CPNE4: variants seen among roughly 807,000 people sequenced by gnomAD.
The protein encoded by CPNE4 is copine 4, also known as copine-4.
Under a neutral mutation model 67.9 loss-of-function variants are expected in CPNE4, and 25 were observed. The ratio of observed to expected loss-of-function variants is 0.37; its 90% CI spans 0.27 to 0.51. The LOEUF (loss-of-function observed/expected upper bound fraction) is 0.51, where lower values mean the gene tolerates loss of function less well. CPNE4 is among the 20% of genes least tolerant of loss of function. CPNE4 has a pLI of 0.93. For synonymous variants in CPNE4, 242 were observed against 244.9 expected, an observed-to-expected ratio of 0.99 and a Z score of 0.11; for missense variants, 464 against 690.8, an observed-to-expected ratio of 0.67 and a Z score of 3.68.
intron 3 of CPNE4, among the ~76,000 whole-genome samples, chr3:131,714,074 G>A (rs186545115): frequency 1.8e-4 from 28 of 152,288 alleles, no homozygotes; most frequent in East Asian, 1.4e-3. Flanking sequence ...CTGCTGTAAT[G>A]TGTAAATTTG....
At chr3:131,544,803 C>CTGAT (rs1935732800) in intron 14 of CPNE4, among the ~76,000 whole-genome samples, 1 of 152,150 alleles carries the variant, frequency 6.6e-6, no homozygotes, top group Admixed American at 6.5e-5. Flanking sequence ...GAGATTACTT[C>CTGAT]TGATTCATGA....
At chr3:131,613,157 G>T (rs1333759789) in intron 7 of CPNE4, among the ~76,000 whole-genome samples, 1 of 152,182 alleles carries the variant, frequency 6.6e-6, no homozygotes, top group Non-Finnish European at 1.5e-5. Flanking sequence ...GTACATCTGA[G>T]GCTGCTAATT....
At chr3:131,877,162 A>G (rs1320428622) in intron 2 of CPNE4, among the ~76,000 whole-genome samples, 5 of 152,162 alleles carry the variant, frequency 3.3e-5, no homozygotes, top group Admixed American at 3.3e-4. Context: ...ATAAGCAGAA[A>G]TCAACTGAGC....
intron 5 of CPNE4, among the ~76,000 whole-genome samples, chr3:131,686,544 A>G (rs771769696): frequency 2.0e-5 from 3 of 152,326 alleles, no homozygotes; most frequent in African/African-American, 4.8e-5. Context: ...CCTGAATCCA[A>G]TTAGGATTAA....
At chr3:131,959,718 G>A (rs1225071) in intron 1 of CPNE4, among the ~76,000 whole-genome samples, 114,734 of 152,122 alleles carry the variant, frequency 0.75, 43,514 homozygotes, top group Admixed American at 0.83. Context: ...ATAAGGGGAC[G>A]TTGTACCAAC....
intron 3 of CPNE4, among the ~76,000 whole-genome samples, chr3:131,702,274 C>T (rs1421305538): frequency 1.3e-5 from 2 of 152,152 alleles, no homozygotes; most frequent in African/African-American, 4.8e-5. Flanking sequence ...GTTACAGATG[C>T]TTTATTCATT....
At chr3:131,605,111 C>G (rs147886749) in intron 7 of CPNE4, among the ~76,000 whole-genome samples, 1 of 152,070 alleles carries the variant, frequency 6.6e-6, no homozygotes, top group Non-Finnish European at 1.5e-5. Context: ...GATTATTAAG[C>G]TAGAAAGGGA....
chr3:131,979,637 G>A (rs184363070), intron 1 of CPNE4, among the ~76,000 whole-genome samples: 1 of 152,270 alleles, frequency 6.6e-6, no homozygotes, highest in Admixed American at 6.5e-5. Context: ...TATCCATTCT[G>A]CAGCTCTGCA....
intron 2 of CPNE4, among the ~76,000 whole-genome samples, chr3:131,879,125 T>C (rs1458224323): frequency 6.6e-6 from 1 of 150,648 alleles, no homozygotes; most frequent in African/African-American, 2.5e-5. Flanking sequence ...GGTGTGTGTG[T>C]GTGCGTGCTA....
At chr3:131,834,171 G>C (rs993395917) in intron 2 of CPNE4, among the ~76,000 whole-genome samples, 1 of 152,154 alleles carries the variant, frequency 6.6e-6, no homozygotes, top group African/African-American at 2.4e-5. Context: ...GCAGACTACA[G>C]TGAAAGCTTG....
chr3:131,964,077 C>G (rs1473598400), intron 1 of CPNE4, among the ~76,000 whole-genome samples: 2 of 152,144 alleles, frequency 1.3e-5, no homozygotes, highest in Admixed American at 1.3e-4. Context: ...GATACCCAGG[C>G]AAACAGGGTC....
At chr3:132,019,926 G>A (rs1282128166) in intron 1 of CPNE4, among the ~76,000 whole-genome samples, 1 of 152,170 alleles carries the variant, frequency 6.6e-6, no homozygotes, top group African/African-American at 2.4e-5. Context: ...TGTCTGCTGG[G>A]AAAGGCCATT....
chr3:131,739,508 G>T (rs2082311874), intron 2 of CPNE4, among the ~76,000 whole-genome samples: 1 of 152,118 alleles, frequency 6.6e-6, no homozygotes, highest in Non-Finnish European at 1.5e-5. Flanking sequence ...TCATTTCTGT[G>T]TCTGCATGTC....
intron 2 of CPNE4, among the ~76,000 whole-genome samples, chr3:131,886,860 A>G (rs966859850): frequency 4.6e-5 from 7 of 152,166 alleles, no homozygotes; most frequent in African/African-American, 1.7e-4. Flanking sequence ...CCCCCATCAT[A>G]TTTGGAATAA....
rs1412163656 is a variant in CPNE4 at position 131,978,109 on chromosome 3, A to ATTTATAT, written c.-2+56457_-2+56458insATATAAA. Among the ~76,000 whole-genome samples, 6 of 60,388 alleles carry ATTTATAT rather than the reference A, an allele frequency of 9.9e-5. No homozygotes were observed. The African/African-American group carries it at 1.6e-3, about 16-fold the overall frequency. 39.6% of individuals were successfully genotyped at this position (60,388 alleles called of 152,430 possible). The stretch of plus-strand genomic sequence containing the variant: ...TATAAATATATATATAAATATATAT[A>ATTTATAT]AAATATATATAAATATATATATTTA... On this transcript the variant is annotated intron_variant, in intron 1 of 15. Transcript: ENST00000429747.
chr3:131,798,569 G>T (rs1452197945), intron 2 of CPNE4, among the ~76,000 whole-genome samples: 1 of 152,148 alleles, frequency 6.6e-6, no homozygotes, highest in Admixed American at 6.5e-5. Flanking sequence ...ACATCATCCA[G>T]CCTAGTTTAT....
intron 1 of CPNE4, among the ~76,000 whole-genome samples, chr3:131,919,787 C>A (rs1404136874): frequency 6.6e-6 from 1 of 151,956 alleles, no homozygotes; most frequent in Non-Finnish European, 1.5e-5. Context: ...GGACCAACAC[C>A]CTTTTAGATT....
chr3:131,569,976 T>A (rs984967272), intron 10 of CPNE4, among the ~76,000 whole-genome samples: 2 of 151,774 alleles, frequency 1.3e-5, no homozygotes, highest in Admixed American at 1.3e-4. Context: ...TCTAGGTATT[T>A]TATATATATA....
chr3:131,972,762 G>T (rs899368324), intron 1 of CPNE4, among the ~76,000 whole-genome samples: 1 of 152,052 alleles, frequency 6.6e-6, no homozygotes, highest in African/African-American at 2.4e-5. Flanking sequence ...TCCCTCCCTA[G>T]CTGACCTCAG....
Sources: allele counts gnomAD v4.1 joint callset (sites outside exome capture counted in the v4.1 genomes callset), GRCh38; gene constraint gnomAD v4.1.1; transcripts MANE v1.5; gene names NCBI Gene and HGNC (gene_info 2026-07-23, HGNC 2026-07-21).